RGS7: variants seen among roughly 807,000 people sequenced by gnomAD.
RGS7 encodes regulator of G protein signaling 7.
Under a neutral mutation model 81.1 loss-of-function variants are expected in RGS7, and 27 were observed. The ratio of observed to expected loss-of-function variants is 0.33; its 90% CI spans 0.25 to 0.46. The LOEUF (loss-of-function observed/expected upper bound fraction) is 0.46, where lower values mean the gene tolerates loss of function less well. Among genes scored for constraint, RGS7 ranks in the 20% least tolerant of loss-of-function variants. The pLI is 1.00. For missense variants in RGS7, 396 were observed against 607.4 expected (o/e 0.65, Z 3.66); for synonymous variants, 208 against 207.7 (o/e 1.00, Z -0.01).
At chr1:241,341,302 T>C (rs377176764) in intron 2 of RGS7, among the ~76,000 whole-genome samples, 2 of 152,130 alleles carry the variant, frequency 1.3e-5, no homozygotes, top group African/African-American at 2.4e-5. Flanking sequence ...TTACTCGGTG[T>C]GTTGTGGAAA....
At chr1:241,008,851 A>ACAG (rs1344176156) in intron 3 of RGS7, among the ~76,000 whole-genome samples, 2 of 141,852 alleles carry the variant, frequency 1.4e-5, no homozygotes, top group Admixed American at 7.7e-5. Context: ...GGCAGAGGTT[A>ACAG]CAGTGAGCCG....
intron 3 of RGS7, among the ~76,000 whole-genome samples, chr1:241,073,435 A>C (rs2062598197): frequency 6.6e-6 from 1 of 152,248 alleles, no homozygotes; most frequent in Non-Finnish European, 1.5e-5. Flanking sequence ...TCAGTATTGA[A>C]GAGGTGGCTA....
At chr1:241,019,234 C>T (rs569530850) in intron 3 of RGS7, among the ~76,000 whole-genome samples, 1 of 152,270 alleles carries the variant, frequency 6.6e-6, no homozygotes, top group South Asian at 2.1e-4. Context: ...TTCTTACTAA[C>T]TTATGGTGTC....
chr1:240,909,346 C>T (rs1328450330), intron 6 of RGS7, among the ~76,000 whole-genome samples: 3 of 152,134 alleles, frequency 2.0e-5, no homozygotes, highest in Non-Finnish European at 2.9e-5. Flanking sequence ...AGTACAAATG[C>T]GAGTTATCCA....
At chr1:241,049,671 A>G (rs888028072) in intron 3 of RGS7, among the ~76,000 whole-genome samples, 3 of 152,204 alleles carry the variant, frequency 2.0e-5, no homozygotes, top group Non-Finnish European at 4.4e-5. Flanking sequence ...GTGCAGACCC[A>G]CCAGGAACTA....
At chr1:241,001,953 C>T (rs1021874488) in intron 3 of RGS7, among the ~76,000 whole-genome samples, 6 of 152,074 alleles carry the variant, frequency 3.9e-5, no homozygotes, top group East Asian at 1.9e-4. Flanking sequence ...GATAATGACG[C>T]GTCAGTGCGA....
intron 9 of RGS7, among the ~76,000 whole-genome samples, chr1:240,828,316 G>A (rs1446892127): frequency 6.6e-6 from 1 of 152,098 alleles, no homozygotes; most frequent in African/African-American, 2.4e-5. Flanking sequence ...GGAAGAAGAG[G>A]GGAAGGGAGA....
rs6688142 is a variant in RGS7 at position 241,282,627 on chromosome 1, T to C, written c.78+73072A>G. Among the ~76,000 whole-genome samples the C allele has an allele frequency of 4.5e-3, 688 of 152,348 alleles. 5 individuals carry two copies. The highest frequency in any genetic ancestry group is 0.016 in the African/African-American group (647 of 41,588). Reference sequence around the variant, plus strand: ...TGAATAAAAGTGGTAAGGATAGACATAGTTGCCTTGTTCCCAACATTAGGG... The same window carrying C: ...TGAATAAAAGTGGTAAGGATAGACACAGTTGCCTTGTTCCCAACATTAGGG... On this transcript the variant is annotated intron_variant, in intron 2 of 18. Transcript: ENST00000440928.
chr1:240,970,983 CAAAAT>C (rs1284428980), intron 4 of RGS7, among the ~76,000 whole-genome samples: 2 of 150,706 alleles, frequency 1.3e-5, no homozygotes, highest in African/African-American at 5.0e-5. Flanking sequence ...CGTCTCAAAA[CAAAAT>C]AAAATAAATA....
intron 2 of RGS7, among the ~76,000 whole-genome samples, chr1:241,203,668 G>A (rs2073680171): frequency 6.6e-6 from 1 of 152,110 alleles, no homozygotes; most frequent in Admixed American, 6.5e-5. Context: ...TTGAAATTAA[G>A]AATCTTGCCT....
intron 9 of RGS7, among the ~76,000 whole-genome samples, chr1:240,827,910 C>T (rs1048117986): frequency 1.4e-5 from 2 of 147,420 alleles, no homozygotes; most frequent in African/African-American, 5.0e-5. Flanking sequence ...TAGATGGGTG[C>T]CTTGCTTTTC....
At chr1:241,291,150 CA>C (rs1246638658) in intron 2 of RGS7, among the ~76,000 whole-genome samples, 1 of 152,168 alleles carries the variant, frequency 6.6e-6, no homozygotes, top group Non-Finnish European at 1.5e-5. Flanking sequence ...GCAGGATATA[CA>C]TTTTGAGAGC....
chr1:241,035,274 A>G (rs2060267438), intron 3 of RGS7, among the ~76,000 whole-genome samples: 2 of 152,326 alleles, frequency 1.3e-5, no homozygotes, highest in African/African-American at 2.4e-5. Flanking sequence ...GTTCATTTCT[A>G]TAATTTCTAG....
In RGS7 at chr1:241,098,710, C is replaced by A. The variant is rs751658199; in HGVS notation, c.131G>T (p.Arg44Leu). ...MQDEKNGIPIRTVKSFLSKIP... is the reference protein window; with the variant it reads ...MQDEKNGIPILTVKSFLSKIP... ...CTTGGAAAGAAAGCTTTTGACCGTACGAATAGGAATTCCATTTTTTTCATC... is the reference window on the plus strand; with the variant it reads ...CTTGGAAAGAAAGCTTTTGACCGTAAGAATAGGAATTCCATTTTTTTCATC... The change falls in exon 3 of 19, where the codon CGT becomes CTT. Residue 44 changes from arginine to leucine, a missense_variant. Physicochemically the swap from Arg to Leu is moderately radical, Grantham distance 102 (BLOSUM62 -2). Coordinates refer to ENST00000440928, the MANE Select transcript of RGS7 (RefSeq NM_001364886.1). The A allele has an allele frequency of 6.2e-7, 1 of 1,613,608 alleles. No individual in the cohort carries two copies. The highest frequency in any genetic ancestry group is 8.5e-7 in the Non-Finnish European group (1 of 1,179,800).
chr1:241,175,629 T>C (rs1558156444), intron 2 of RGS7, among the ~76,000 whole-genome samples: 2 of 152,124 alleles, frequency 1.3e-5, no homozygotes, highest in South Asian at 2.1e-4. Context: ...ACTAGGAAAA[T>C]ACAAGCATTC....
rs561733139 is a variant in RGS7, at chr1:241,229,575, T to C, written c.78+126124A>G. Among the ~76,000 whole-genome samples the C allele has an allele frequency of 5.8e-4, 89 of 152,338 alleles. No homozygotes were observed. The Middle Eastern group carries it at 0.014, about 23-fold the overall frequency. ...AAGCTAATTGAGCTGCTCTAAATAT[T>C]TGAAGAGACAGAAATGGGGTTATAC... On this transcript the variant is annotated intron_variant, in intron 2 of 18. Transcript: ENST00000440928.
intron 2 of RGS7, among the ~76,000 whole-genome samples, chr1:241,100,331 C>G (rs955483422): frequency 6.8e-6 from 1 of 146,346 alleles, no homozygotes; most frequent in Non-Finnish European, 1.5e-5. Flanking sequence ...GCCGAGATGG[C>G]GCCACTGCAC....
chr1:241,078,769 A>G (rs1355084274), intron 3 of RGS7, among the ~76,000 whole-genome samples: 2 of 152,132 alleles, frequency 1.3e-5, no homozygotes, highest in Non-Finnish European at 2.9e-5. Context: ...ATGAGCACTT[A>G]ATAAATGCTA....
intron 1 of RGS7, among the ~76,000 whole-genome samples, 157 bp from the exon 2 acceptor site, chr1:241,355,983 C>T (rs2083537874): frequency 6.6e-6 from 1 of 152,192 alleles, no homozygotes; most frequent in Admixed American, 6.5e-5. Context: ...AGTGAGTTGA[C>T]ACCTACAATA....
Sources: allele counts gnomAD v4.1 joint callset (sites outside exome capture counted in the v4.1 genomes callset), GRCh38; gene constraint gnomAD v4.1.1; transcripts MANE v1.5; gene names NCBI Gene and HGNC (gene_info 2026-07-23, HGNC 2026-07-21).